Variants in CDK5RAP2 observed in about 807,000 individuals in gnomAD.
CDK5RAP2 encodes CDK5 regulatory subunit-associated protein 2.
CDK5RAP2 carries 147 observed loss-of-function variants against 232.9 expected under a neutral mutation model. The ratio of observed to expected loss-of-function variants is 0.63; its 90% CI spans 0.55 to 0.72. The LOEUF (loss-of-function observed/expected upper bound fraction) is 0.72, where lower values mean the gene tolerates loss of function less well. Ranked by LOEUF, CDK5RAP2 falls within the 30% of genes least tolerant of loss-of-function variation. CDK5RAP2 has a pLI of 0.00. For synonymous variants in CDK5RAP2, 833 were observed against 833.7 expected, an observed-to-expected ratio of 1.00 and a Z score of 0.01; for missense variants, 2,195 against 2,231.5, an observed-to-expected ratio of 0.98 and a Z score of 0.33.
chr9:120,443,680 TG>T lies in CDK5RAP2; in HGVS notation c.3087del (p.Thr1030HisfsTer44). ...TCCTTGTCTCTCCAGACAGAAGATG[TG>T]GTTTTAATTCCTTTCTGCTCTCCTG... ...DSPGEQKGIK[T>X]TSSVWRDKEM... On this transcript the variant is annotated frameshift_variant, in exon 23 of 38. Transcript: ENST00000349780. LOFTEE classifies it high-confidence loss of function. 1 of 1,614,192 alleles carries T rather than the reference TG, an allele frequency of 6.2e-7. No homozygotes were observed. The highest frequency in any genetic ancestry group is 8.5e-7 in the Non-Finnish European group (1 of 1,180,008).
At chr9:120,497,581 C>T (rs889385143) in intron 12 of CDK5RAP2, among the ~76,000 whole-genome samples, 2 of 151,896 alleles carry the variant, frequency 1.3e-5, no homozygotes, top group Admixed American at 1.3e-4. Flanking sequence ...AGTGAAGAAA[C>T]CCAGAAGATT....
At chr9:120,420,781 A>G (rs1212700756) in intron 26 of CDK5RAP2, among the ~76,000 whole-genome samples, 1 of 152,254 alleles carries the variant, frequency 6.6e-6, no homozygotes, top group Non-Finnish European at 1.5e-5. Context: ...TAAACACCTG[A>G]TGCAACTTTG....
intron 17 of CDK5RAP2, among the ~76,000 whole-genome samples, chr9:120,468,206 T>C (rs917893817): frequency 6.6e-6 from 1 of 152,160 alleles, no homozygotes; most frequent in Admixed American, 6.5e-5. Context: ...CCCAGAGCCA[T>C]CACTTCAAGG....
intron 36 of CDK5RAP2, 161 bp from the exon 37 acceptor site, chr9:120,389,948 A>T: frequency 1.4e-6 from 1 of 696,722 alleles, no homozygotes. Context: ...CAAAGGGCCC[A>T]CCTGACCCAT....
intron 25 of CDK5RAP2, among the ~76,000 whole-genome samples, chr9:120,435,687 G>A (rs895955155): frequency 8.5e-5 from 13 of 152,050 alleles, no homozygotes; most frequent in Middle Eastern, 3.2e-3. Flanking sequence ...AAGTAAGGAC[G>A]TACTCCCAAA....
intron 20 of CDK5RAP2, among the ~76,000 whole-genome samples, chr9:120,456,881 C>A (rs1292956735): frequency 6.6e-6 from 1 of 152,198 alleles, no homozygotes; most frequent in Non-Finnish European, 1.5e-5. Context: ...AAATAAAATA[C>A]TTCAAGTGTT....
At chr9:120,419,449 C>T (rs924760398) in intron 27 of CDK5RAP2, among the ~76,000 whole-genome samples, 8 of 152,142 alleles carry the variant, frequency 5.3e-5, no homozygotes, top group African/African-American at 1.9e-4. Context: ...TCTGAAATGA[C>T]CCTGCCTTAG....
At chr9:120,427,165 A>G (rs1439307094) in intron 25 of CDK5RAP2, among the ~76,000 whole-genome samples, 4 of 152,212 alleles carry the variant, frequency 2.6e-5, no homozygotes, top group Non-Finnish European at 4.4e-5. Context: ...GAAATTTAAA[A>G]ATGAGAGAAA....
chr9:120,539,185 G>C (rs745509895), intron 5 of CDK5RAP2, 21 bp from the exon 6 acceptor site: 1 of 1,613,606 alleles, frequency 6.2e-7, no homozygotes, highest in East Asian at 2.2e-5. Flanking sequence ...AGGCACAGGG[G>C]TAAAACATGC....
intron 13 of CDK5RAP2, 71 bp from the exon 14 acceptor site, chr9:120,487,508 C>G: frequency 1.7e-6 from 2 of 1,193,824 alleles, no homozygotes; most frequent in East Asian, 5.1e-5. Flanking sequence ...GTCCCAAACT[C>G]CTTAAGGAAA....
chr9:120,518,558 T>C lies in CDK5RAP2; in HGVS notation c.1180A>G (p.Asn394Asp), dbSNP rs2040469556. The C allele has an allele frequency of 4.3e-6, 7 of 1,613,548 alleles. No homozygotes were observed. The South Asian group carries it at 4.4e-5, about 10-fold the overall frequency. ...TTAATGCTTCTACGCAGTCTGTGGTTCTCTGTACTCTTGGTGAGGTTTTGT... is the reference window on the plus strand; with the variant it reads ...TTAATGCTTCTACGCAGTCTGTGGTCCTCTGTACTCTTGGTGAGGTTTTGT... ...RSQNLTKSTE[N>D]HRLRRSIKKI... The change falls in exon 12 of 38, where the codon AAC (asparagine) becomes GAC (aspartate). Residue 394 changes from asparagine (N) to aspartate (D), a missense_variant. By Grantham distance (23) the Asn-to-Asp change is conservative (BLOSUM62 1). Transcript: ENST00000349780.
intron 8 of CDK5RAP2, among the ~76,000 whole-genome samples, chr9:120,529,212 A>C (rs1237487444): frequency 6.6e-6 from 1 of 152,210 alleles, no homozygotes; most frequent in Admixed American, 6.5e-5. Context: ...AGAAACCAAG[A>C]CTTTCTGTGA....
At chr9:120,409,036 G>T in intron 30 of CDK5RAP2, 91 bp downstream of exon 30, 1 of 1,239,590 alleles carries the variant, frequency 8.1e-7, no homozygotes. Flanking sequence ...TGTGCACTAA[G>T]GCAGAGGCCT....
chr9:120,535,141 T>C (rs530040214), intron 7 of CDK5RAP2, among the ~76,000 whole-genome samples: 1 of 152,174 alleles, frequency 6.6e-6, no homozygotes, highest in Non-Finnish European at 1.5e-5. Context: ...AAATTATTAA[T>C]CATAAAACTT....
intron 28 of CDK5RAP2, among the ~76,000 whole-genome samples, chr9:120,413,577 C>A (rs1307202092): frequency 1.3e-5 from 2 of 152,194 alleles, no homozygotes; most frequent in Non-Finnish European, 2.9e-5. Context: ...CTCTCCAGAG[C>A]AATTGTCTGC....
intron 11 of CDK5RAP2, among the ~76,000 whole-genome samples, chr9:120,519,852 A>T (rs2040537832): frequency 1.3e-5 from 2 of 152,182 alleles, no homozygotes; most frequent in African/African-American, 4.8e-5. Context: ...GACAAAAAGT[A>T]GAGATATATC....
chr9:120,570,234 C>T (rs920321767), intron 2 of CDK5RAP2, among the ~76,000 whole-genome samples: 5 of 152,146 alleles, frequency 3.3e-5, no homozygotes, highest in African/African-American at 9.7e-5. Flanking sequence ...GTTCCTCAAA[C>T]GGGCCATGCC....
chr9:120,470,232 A>AC lies in CDK5RAP2; in HGVS notation c.1859-13_1859-12insG. On this transcript the variant is annotated splice_polypyrimidine_tract_variant and intron_variant, in intron 16 of 37. Coordinates refer to ENST00000349780, the MANE Select transcript of CDK5RAP2 (RefSeq NM_018249.6). ...TGAAAATGATTCTTCTGCCCAAAAA[A>AC]GAAAAAAAAAAGGTGGGGAGGGGGA... is the stretch of plus-strand genomic sequence containing the variant. 1 of 1,374,106 alleles carries AC rather than the reference A, an allele frequency of 7.3e-7. No homozygotes were observed. Among genetic ancestry groups the AC allele is most frequent in the Non-Finnish European group, 1.0e-6 (1 of 985,420 alleles). The allele number at this position is 1,374,106 out of a possible 1,614,324, so 85.1% of individuals were successfully genotyped here.
At chr9:120,409,456 A>G in intron 29 of CDK5RAP2, 140 bp from the exon 30 acceptor site, 1 of 707,566 alleles carries the variant, frequency 1.4e-6, no homozygotes, top group South Asian at 1.7e-5. Flanking sequence ...CAATTATCTT[A>G]CACACTTTGG....
Sources: allele counts gnomAD v4.1 joint callset (sites outside exome capture counted in the v4.1 genomes callset), GRCh38; gene constraint gnomAD v4.1.1; transcripts MANE v1.5; gene names NCBI Gene and HGNC (gene_info 2026-07-23, HGNC 2026-07-21).